The following ANKRD18A variants were observed in gnomAD, a reference collection of about 807,000 sequenced individuals.
ANKRD18A encodes ankyrin repeat domain 18A.
In ANKRD18A, 72 loss-of-function variants were observed where a neutral mutation model predicts 110.6. That is an observed-to-expected ratio of 0.65 (90% CI 0.54 to 0.79). The LOEUF (loss-of-function observed/expected upper bound fraction) is 0.79, where lower values mean the gene tolerates loss of function less well. Among genes scored for constraint, ANKRD18A ranks in the 30% least tolerant of loss-of-function variants. The probability of loss-of-function intolerance (pLI) is 0.00; values close to 1 mark genes in which losing one functional copy is unlikely to be tolerated. For missense variants in ANKRD18A, 934 were observed against 1,163.3 expected, an observed-to-expected ratio of 0.80 and a Z score of 2.87; for synonymous variants, 305 against 410.3, an observed-to-expected ratio of 0.74 and a Z score of 3.10.
At chr9:38,578,385 G>A (rs544969915) in intron 12 of ANKRD18A, among the ~76,000 whole-genome samples, 1 of 152,244 alleles carries the variant, frequency 6.6e-6, no homozygotes, top group South Asian at 2.1e-4. Flanking sequence ...TTTTGCACTT[G>A]CTTTTACTTT....
chr9:38,577,060 A>AT lies in ANKRD18A; in HGVS notation c.2733dup (p.Leu912IlefsTer6). 6.5e-7 allele frequency: 1 copy of AT among 1,544,410 alleles called. No individual in the cohort carries two copies. On this transcript the variant is annotated frameshift_variant, in exon 14 of 16. Coordinates refer to ENST00000399703, the MANE Select transcript of ANKRD18A (RefSeq NM_147195.4). LOFTEE classifies it high-confidence loss of function. ...GTGTATGTTTTGACTTACTTCATTA[A>AT]TTTTTTTGACATGGAATTGTTAGCT...
At chr9:38,579,431 A>T (rs1472247630) in intron 12 of ANKRD18A, among the ~76,000 whole-genome samples, 3 of 152,196 alleles carry the variant, frequency 2.0e-5, no homozygotes, top group Non-Finnish European at 2.9e-5. Flanking sequence ...CAAGACAAAT[A>T]TCCAAAGTAC....
chr9:38,589,812 G>C (rs533321150), intron 10 of ANKRD18A, among the ~76,000 whole-genome samples: 1 of 152,132 alleles, frequency 6.6e-6, no homozygotes, highest in African/African-American at 2.4e-5. Context: ...AATTACAGGC[G>C]TGAGCCACCA....
chr9:38,618,785 T>A (rs1271495129), intron 1 of ANKRD18A, among the ~76,000 whole-genome samples: 1 of 152,000 alleles, frequency 6.6e-6, no homozygotes, highest in East Asian at 1.9e-4. Flanking sequence ...TTTGCTCACT[T>A]CTAGAGTTCT....
chr9:38,612,991 A>G (rs1445857731), intron 3 of ANKRD18A, among the ~76,000 whole-genome samples: 1 of 151,924 alleles, frequency 6.6e-6, no homozygotes, highest in Admixed American at 6.6e-5. Context: ...TCTGAATTCT[A>G]AAATTCAACT....
intron 10 of ANKRD18A, 34 bp downstream of exon 10, chr9:38,593,726 G>A: frequency 6.8e-7 from 1 of 1,475,946 alleles, no homozygotes; most frequent in Non-Finnish European, 9.0e-7. Context: ...ACCAGCTACA[G>A]ATTAACTGTC....
chr9:38,612,666 T>C (rs917540915), intron 3 of ANKRD18A, among the ~76,000 whole-genome samples: 6 of 151,922 alleles, frequency 3.9e-5, no homozygotes, highest in Admixed American at 3.3e-4. Context: ...TACAGGCACC[T>C]GCCACCACAC....
chr9:38,602,984 T>C (rs1825188856), intron 7 of ANKRD18A, among the ~76,000 whole-genome samples, 175 bp downstream of exon 7: 1 of 152,224 alleles, frequency 6.6e-6, no homozygotes, highest in Non-Finnish European at 1.5e-5. Context: ...TATTTTCAAA[T>C]GAATAAACTG....
rs753593438 is a variant in ANKRD18A, at chr9:38,575,627, C to T, written c.2813G>A (p.Ser938Asn). Reference sequence around the variant, plus strand: ...TGGTTCTGGCCTTGTAGGAAGAGTGCTGAGAAAATATTTCATCCGCTGTTT... The same window carrying T: ...TGGTTCTGGCCTTGTAGGAAGAGTGTTGAGAAAATATTTCATCCGCTGTTT... ...TEKQRMKYFLSTLPTRPEPEL... is the reference protein window; with the variant it reads ...TEKQRMKYFLNTLPTRPEPEL... Residue 938 changes from serine (S) to asparagine (N), a missense_variant, in exon 15 of 16, where the codon AGC (serine) becomes AAC (asparagine). Coordinates refer to ENST00000399703, the MANE Select transcript of ANKRD18A (RefSeq NM_147195.4). 3.2e-6 allele frequency: 5 copies of T among 1,551,536 alleles called. No homozygotes were observed. The South Asian group carries it at 5.9e-5, about 18-fold the overall frequency.
chr9:38,577,328 C>T (rs941652640), intron 13 of ANKRD18A, 64 bp from the exon 14 acceptor site: 1 of 1,459,460 alleles, frequency 6.9e-7, no homozygotes, highest in Non-Finnish European at 9.1e-7. Context: ...AGGTTTGTTG[C>T]CTTTCATTTT....
chr9:38,597,508 T>A (rs1040782009), intron 8 of ANKRD18A, among the ~76,000 whole-genome samples: 4 of 152,106 alleles, frequency 2.6e-5, no homozygotes, highest in Non-Finnish European at 2.9e-5. Context: ...ATCTACTTGA[T>A]ACTGGAAGTA....
At chr9:38,588,928 G>A (rs1285119594) in intron 10 of ANKRD18A, among the ~76,000 whole-genome samples, 1 of 152,140 alleles carries the variant, frequency 6.6e-6, no homozygotes, top group Non-Finnish European at 1.5e-5. Context: ...TACACATAAA[G>A]TACTAAGGGT....
At chr9:38,609,206 G>A (rs1253517577) in intron 5 of ANKRD18A, among the ~76,000 whole-genome samples, 6 of 152,112 alleles carry the variant, frequency 3.9e-5, no homozygotes, top group Admixed American at 2.0e-4. Context: ...TGGGCCGGGC[G>A]CGGTGGCTCA....
downstream of ANKRD18A, chr9:38,568,680 G>A (rs1823537652): frequency 9.4e-6 from 9 of 955,354 alleles, no homozygotes; most frequent in African/African-American, 3.6e-5. Context: ...GGCATGCACA[G>A]GTCCTGGGTA....
At chr9:38,619,933 A>G in intron 1 of ANKRD18A, 147 bp downstream of exon 1, 1 of 1,038,164 alleles carries the variant, frequency 9.6e-7, no homozygotes, top group Non-Finnish European at 1.4e-6. Context: ...GGGAATTGCC[A>G]GCGACGGAAA....
chr9:38,598,049 A>C (rs1824963275), intron 8 of ANKRD18A, among the ~76,000 whole-genome samples: 1 of 152,228 alleles, frequency 6.6e-6, no homozygotes, highest in Admixed American at 6.5e-5. Context: ...TGCATGCATG[A>C]AAGCACATTA....
intron 12 of ANKRD18A, among the ~76,000 whole-genome samples, chr9:38,582,876 G>A (rs1337710444): frequency 6.6e-6 from 1 of 152,172 alleles, no homozygotes; most frequent in African/African-American, 2.4e-5. Context: ...AAGTGAAAAG[G>A]CAAGACACTG....
Position 38,588,598 on chromosome 9 carries a change from C to T in ANKRD18A, c.2070G>A (p.Ala690=), listed in dbSNP as rs563542288. 160 of 1,384,966 alleles carry T rather than the reference C, an allele frequency of 1.2e-4. No homozygotes were observed. Among genetic ancestry groups the T allele is most frequent in the African/African-American group, 4.4e-4 (29 of 66,122 alleles). The allele number at this position is 1,384,966 out of a possible 1,614,324, so 85.8% of individuals were successfully genotyped here. The part of the protein sequence containing the change: ...FELISLLNYT[A]DQIRKKNREL... ...CACGATTTTTCTTTCTTATTTGGTCCGCAGTATAGTTCAGTAATGATATTA... is the reference window on the plus strand; with the variant it reads ...CACGATTTTTCTTTCTTATTTGGTCTGCAGTATAGTTCAGTAATGATATTA... Residue 690 remains alanine (A), a synonymous_variant, in exon 11 of 16, where the codon GCG becomes GCA. Coordinates refer to ENST00000399703, the MANE Select transcript of ANKRD18A (RefSeq NM_147195.4).
chr9:38,606,926 A>G (rs1210661149), intron 6 of ANKRD18A, among the ~76,000 whole-genome samples: 1 of 152,128 alleles, frequency 6.6e-6, no homozygotes, highest in Non-Finnish European at 1.5e-5. Context: ...ATACTGTTTG[A>G]GATTGAGAAT....
Sources: gnomAD v4.1 joint callset for allele counts (sites outside exome capture counted in the v4.1 genomes callset) on GRCh38, gnomAD v4.1.1 for gene constraint, MANE v1.5 for transcripts, NCBI Gene and HGNC (gene_info 2026-07-23, HGNC 2026-07-21) for gene names.